ZBTB20: variants seen among roughly 807,000 people sequenced by gnomAD.
The protein encoded by ZBTB20 is zinc finger and BTB domain containing 20.
In ZBTB20, 9 loss-of-function variants were observed where a neutral mutation model predicts 56.9. The observed-to-expected ratio is 0.16, with a 90% CI of 0.10 to 0.28. The LOEUF is 0.28. Among genes scored for constraint, ZBTB20 ranks in the 10% least tolerant of loss-of-function variants. The pLI is 1.00. For synonymous variants in ZBTB20, 417 were observed against 420.7 expected (o/e 0.99, Z 0.11); for missense variants, 655 against 1,003.0 (o/e 0.65, Z 4.69).
intron 7 of ZBTB20, among the ~76,000 whole-genome samples, chr3:114,415,636 T>C (rs1559759698): frequency 6.6e-6 from 1 of 152,086 alleles, no homozygotes; most frequent in Non-Finnish European, 1.5e-5. Flanking sequence ...AAATATTTGC[T>C]CAATGAATAA....
At chr3:114,687,901 G>T (rs192953891) in intron 6 of ZBTB20, 3 of 152,196 alleles carry the variant, frequency 2.0e-5, no homozygotes, top group African/African-American at 7.2e-5. Flanking sequence ...TTTGGCTCCA[G>T]ATCCTTATTA....
At chr3:114,662,082 G>A (rs13059865) in intron 6 of ZBTB20, among the ~76,000 whole-genome samples, 7,943 of 126,012 alleles carry the variant, frequency 0.063, 290 homozygotes, top group Middle Eastern at 0.18. Flanking sequence ...AGTCCCCAGA[G>A]TGTGGTATTC....
intron 5 of ZBTB20, among the ~76,000 whole-genome samples, chr3:114,721,578 T>A (rs752779750): frequency 6.2e-4 from 95 of 152,282 alleles, no homozygotes; most frequent in Admixed American, 1.0e-3. Flanking sequence ...TAAGTAACTT[T>A]ATTGTTTCCA....
intron 6 of ZBTB20, chr3:114,582,246 G>T (rs985735241): frequency 9.9e-5 from 15 of 152,112 alleles, no homozygotes; most frequent in African/African-American, 2.7e-4. Flanking sequence ...CACTTAATTT[G>T]TCTAATTCAC....
intron 3 of ZBTB20, among the ~76,000 whole-genome samples, chr3:114,924,866 T>C (rs1488052747): frequency 6.6e-6 from 1 of 152,028 alleles, no homozygotes; most frequent in East Asian, 1.9e-4. Context: ...TATTGATCTA[T>C]CTTTAAGTTC....
At chr3:114,937,428 CT>C (rs879506585) in intron 3 of ZBTB20, among the ~76,000 whole-genome samples, 303 of 143,796 alleles carry the variant, frequency 2.1e-3, no homozygotes, top group Admixed American at 2.4e-3. Context: ...TCTTCTTCTT[CT>C]TTTTTTTTTT....
chr3:114,391,513 G>A (rs1174987958), intron 7 of ZBTB20, among the ~76,000 whole-genome samples: 1 of 152,134 alleles, frequency 6.6e-6, no homozygotes, highest in African/African-American at 2.4e-5. Flanking sequence ...AGCACATTCT[G>A]TACTACTCCC....
chr3:114,617,329 C>T (rs1371105108), intron 6 of ZBTB20, among the ~76,000 whole-genome samples: 1 of 152,138 alleles, frequency 6.6e-6, no homozygotes, highest in Admixed American at 6.6e-5. Flanking sequence ...ACTGCCTTTG[C>T]CCCTGCTGGC....
At chr3:114,897,011 G>A (rs1361700165) in intron 4 of ZBTB20, among the ~76,000 whole-genome samples, 6 of 152,082 alleles carry the variant, frequency 3.9e-5, no homozygotes, top group African/African-American at 9.7e-5. Context: ...TGGTGATGGC[G>A]AGGGAACTGG....
At chr3:115,128,959 C>T (rs923264720) in intron 1 of ZBTB20, among the ~76,000 whole-genome samples, 2 of 151,932 alleles carry the variant, frequency 1.3e-5, no homozygotes, top group African/African-American at 2.4e-5. Context: ...ATTAGTCTGG[C>T]GTGGTGTCGG....
chr3:114,730,087 T>G (rs952576870), intron 5 of ZBTB20, among the ~76,000 whole-genome samples: 1 of 151,768 alleles, frequency 6.6e-6, no homozygotes, highest in African/African-American at 2.4e-5. Context: ...TGTGAGCTAC[T>G]GTGTCTGGCC....
rs967245207 is a variant in ZBTB20, at chr3:114,676,099, C to T, written c.-295+17429G>A. ...GGATTCAAACCTAGGAAGCCAGACTCTGTTACAGGATGAATATTTTGGTTG... is the reference window on the plus strand; with the variant it reads ...GGATTCAAACCTAGGAAGCCAGACTTTGTTACAGGATGAATATTTTGGTTG... On this transcript the variant is annotated intron_variant, in intron 6 of 11. Transcript: ENST00000675478. Among the ~76,000 whole-genome samples the T allele has an allele frequency of 2.0e-5, 3 of 152,154 alleles. No individual in the cohort carries two copies. In the East Asian group the frequency reaches 5.8e-4, roughly 29 times the overall value.
At chr3:115,048,172 C>T (rs931527458) in intron 2 of ZBTB20, among the ~76,000 whole-genome samples, 1 of 152,092 alleles carries the variant, frequency 6.6e-6, no homozygotes. Flanking sequence ...TTGCAGTGAG[C>T]TGAGTTCGCG....
intron 4 of ZBTB20, among the ~76,000 whole-genome samples, chr3:114,849,987 C>T (rs546049622): frequency 8.6e-5 from 13 of 150,816 alleles, no homozygotes; most frequent in Non-Finnish European, 1.8e-4. Flanking sequence ...GCAACCTCCA[C>T]CTCCTGGATT....
chr3:114,773,429 G>A (rs551144540), intron 5 of ZBTB20, among the ~76,000 whole-genome samples: 41 of 152,188 alleles, frequency 2.7e-4, no homozygotes, highest in South Asian at 6.2e-4. Flanking sequence ...CCACTACTAT[G>A]AAAAAAGAAA....
chr3:114,903,002 T>C (rs909033710), intron 3 of ZBTB20, among the ~76,000 whole-genome samples: 5 of 152,172 alleles, frequency 3.3e-5, no homozygotes, highest in Admixed American at 3.3e-4. Context: ...TGCAGGATTA[T>C]TCCAATGTGA....
chr3:114,561,650 A>T (rs1404204706), intron 6 of ZBTB20, among the ~76,000 whole-genome samples: 1 of 152,004 alleles, frequency 6.6e-6, no homozygotes, highest in African/African-American at 2.4e-5. Flanking sequence ...CTATAAACAG[A>T]TATGCTCTTG....
intron 5 of ZBTB20, among the ~76,000 whole-genome samples, chr3:114,734,732 A>C (rs751985095): frequency 1.3e-5 from 2 of 152,194 alleles, no homozygotes; most frequent in Non-Finnish European, 2.9e-5. Context: ...ACATTTAAGA[A>C]AGATTAATAA....
intron 10 of ZBTB20, among the ~76,000 whole-genome samples, chr3:114,367,812 A>C (rs1226441059): frequency 2.0e-5 from 3 of 152,082 alleles, no homozygotes; most frequent in Non-Finnish European, 2.9e-5. Context: ...GGAATAAAAG[A>C]AGGCAAAGAG....
Sources: gnomAD v4.1 joint callset for allele counts (sites outside exome capture counted in the v4.1 genomes callset) on GRCh38, gnomAD v4.1.1 for gene constraint, MANE v1.5 for transcripts, NCBI Gene and HGNC (gene_info 2026-07-23, HGNC 2026-07-21) for gene names.